Variants in GPR89B observed in about 807,000 individuals in gnomAD.
The protein encoded by GPR89B is golgi pH regulator B.
In GPR89B, 25 loss-of-function variants were observed where a neutral mutation model predicts 52.4. The ratio of observed to expected loss-of-function variants is 0.48; its 90% CI spans 0.35 to 0.67. The LOEUF (loss-of-function observed/expected upper bound fraction) is 0.67, where lower values mean the gene tolerates loss of function less well. Ranked by LOEUF, GPR89B falls within the 30% of genes least tolerant of loss-of-function variation. The pLI is 0.01. For synonymous variants in GPR89B, 52 were observed against 151.2 expected (o/e 0.34, Z 4.81); for missense variants, 146 against 450.2 (o/e 0.32, Z 6.11).
chr1:147,928,641 T>A, intron 1 of GPR89B, 63 bp downstream of exon 1: 1 of 1,600,726 alleles, frequency 6.2e-7, no homozygotes, highest in Non-Finnish European at 8.6e-7. Flanking sequence ...CCCTCTCCGG[T>A]CCTCCGCGGT....
intron 1 of GPR89B, among the ~76,000 whole-genome samples, chr1:147,932,045 T>C (rs1363378600): frequency 6.6e-6 from 1 of 152,168 alleles, no homozygotes; most frequent in East Asian, 1.9e-4. Context: ...AATTTTTGCT[T>C]GTTTTCTCTT....
At chr1:148,007,314 A>C in the GPR89B span, among the ~76,000 whole-genome samples, 1 of 152,048 alleles carries the variant, frequency 6.6e-6, no homozygotes, top group African/African-American at 2.4e-5. Flanking sequence ...TGACCTTAAG[A>C]TCCGCCTGCC....
At chr1:147,991,159 T>G (rs1659037483) in intron 12 of GPR89B, among the ~76,000 whole-genome samples, 1 of 151,096 alleles carries the variant, frequency 6.6e-6, no homozygotes, top group South Asian at 2.1e-4. Context: ...GAAGAGGTCC[T>G]TCACATCCCT....
rs2784323 is a variant in GPR89B, at chr1:147,965,907, C to T, written c.618-647C>T. Among the ~76,000 whole-genome samples, 11 of 151,526 alleles carry T rather than the reference C, an allele frequency of 7.3e-5. No homozygotes were observed. In the East Asian group the frequency reaches 9.7e-4, roughly 13 times the overall value. ...TGTCACCTGGGCTGGCGTGCAGTGGCGTGATCTCAGCTCACTGCAACCTCT... is the reference window on the plus strand; with the variant it reads ...TGTCACCTGGGCTGGCGTGCAGTGGTGTGATCTCAGCTCACTGCAACCTCT... On this transcript the variant is annotated intron_variant, in intron 7 of 13. Transcript: ENST00000314163.
chr1:147,996,205 A>G, downstream of GPR89B, among the ~76,000 whole-genome samples: 1 of 152,006 alleles, frequency 6.6e-6, no homozygotes, highest in Non-Finnish European at 1.5e-5. Flanking sequence ...CCTACAGGGT[A>G]AGGGGCATTA....
the GPR89B span, among the ~76,000 whole-genome samples, chr1:148,002,998 C>T: frequency 6.6e-6 from 1 of 152,134 alleles, no homozygotes; most frequent in African/African-American, 2.4e-5. Context: ...TGATCTGCCC[C>T]TGTATGAAGG....
At chr1:147,939,139 GC>G (rs1306266409) in intron 3 of GPR89B, among the ~76,000 whole-genome samples, 2 of 136,642 alleles carry the variant, frequency 1.5e-5, no homozygotes, top group African/African-American at 5.7e-5. Context: ...CCCAGTAACA[GC>G]CCTTCACATT....
intron 10 of GPR89B, among the ~76,000 whole-genome samples, chr1:147,981,155 A>G (rs1369448719): frequency 2.0e-5 from 3 of 148,804 alleles, no homozygotes; most frequent in African/African-American, 2.5e-5. Flanking sequence ...AGGTACATCC[A>G]TGTCATAGTA....
intron 10 of GPR89B, among the ~76,000 whole-genome samples, chr1:147,980,835 A>G (rs1354283751): frequency 5.3e-5 from 8 of 150,020 alleles, no homozygotes; most frequent in South Asian, 2.1e-4. Context: ...AAAAAAAAAA[A>G]AAAAAAAAAA....
chr1:148,017,226 A>G, the GPR89B span, among the ~76,000 whole-genome samples: 2 of 151,258 alleles, frequency 1.3e-5, no homozygotes. Context: ...TATTTTTAGT[A>G]GAGACAGGGG....
At chr1:147,968,667 C>T (rs1657205552) in intron 8 of GPR89B, 12 of 637,138 alleles carry the variant, frequency 1.9e-5, no homozygotes, top group South Asian at 5.9e-5. Context: ...TGTTTGGTGG[C>T]GATGCTCTTG....
chr1:147,952,997 G>GT (rs71228114), intron 5 of GPR89B, among the ~76,000 whole-genome samples: 3,358 of 128,760 alleles, frequency 0.026, 86 homozygotes, highest in African/African-American at 0.088. Context: ...TACTTTCTTA[G>GT]TTTTTTTTTT....
the GPR89B span, among the ~76,000 whole-genome samples, chr1:148,012,506 C>CA: frequency 2.7e-5 from 4 of 150,044 alleles, no homozygotes; most frequent in Non-Finnish European, 5.9e-5. Flanking sequence ...CCCACTCCCC[C>CA]ACCCCCGCAG....
chr1:147,965,778 A>G (rs1288612217), intron 7 of GPR89B, among the ~76,000 whole-genome samples: 1 of 152,082 alleles, frequency 6.6e-6, no homozygotes, highest in Non-Finnish European at 1.5e-5. Flanking sequence ...GGAAGAAAAC[A>G]TGTATTGCGT....
intron 10 of GPR89B, among the ~76,000 whole-genome samples, chr1:147,981,722 A>G (rs1416188932): frequency 1.3e-5 from 2 of 151,758 alleles, no homozygotes; most frequent in Non-Finnish European, 2.9e-5. Context: ...GGGTGATCTC[A>G]GCTCACTTCG....
At chr1:147,991,356 G>A (rs1172473770) in intron 12 of GPR89B, among the ~76,000 whole-genome samples, 8 of 152,218 alleles carry the variant, frequency 5.3e-5, no homozygotes, top group East Asian at 1.9e-4. Context: ...GGGCTGAGAC[G>A]ATGGGGTTTT....
chr1:147,929,528 C>G (rs1481570394), intron 1 of GPR89B, among the ~76,000 whole-genome samples: 1 of 152,200 alleles, frequency 6.6e-6, no homozygotes, highest in Non-Finnish European at 1.5e-5. Flanking sequence ...TTCCCCTCAT[C>G]TTTCCAATAA....
the GPR89B span, among the ~76,000 whole-genome samples, chr1:148,000,308 C>T: frequency 6.6e-6 from 1 of 151,076 alleles, no homozygotes; most frequent in East Asian, 1.9e-4. Flanking sequence ...GAACAAGTAG[C>T]ATGCCATTAG....
intron 3 of GPR89B, among the ~76,000 whole-genome samples, chr1:147,941,216 A>G (rs1444870711): frequency 6.6e-6 from 1 of 152,228 alleles, no homozygotes; most frequent in African/African-American, 2.4e-5. Context: ...TCAAGAGAAT[A>G]TCACTTTACT....
Sources: gnomAD v4.1 joint callset for allele counts (sites outside exome capture counted in the v4.1 genomes callset) on GRCh38, gnomAD v4.1.1 for gene constraint, MANE v1.5 for transcripts, NCBI Gene and HGNC (gene_info 2026-07-23, HGNC 2026-07-21) for gene names.